SOX5: variants seen among roughly 807,000 people sequenced by gnomAD.
SOX5 encodes transcription factor SOX-5.
In SOX5, 9 loss-of-function variants were observed where a neutral mutation model predicts 92.0. The observed-to-expected ratio is 0.10, with a 90% CI of 0.06 to 0.17. The LOEUF is 0.17. Ranked by LOEUF, SOX5 falls within the 10% of genes least tolerant of loss-of-function variation. The pLI is 1.00. For missense variants in SOX5, 642 were observed against 944.5 expected (o/e 0.68, Z 4.20); for synonymous variants, 344 against 336.3 (o/e 1.02, Z -0.25).
intron 4 of SOX5, among the ~76,000 whole-genome samples, chr12:23,984,390 G>A (rs1338106460): frequency 2.0e-5 from 3 of 152,168 alleles, no homozygotes; most frequent in Non-Finnish European, 4.4e-5. Context: ...TTCTAAAGCA[G>A]GAACTTCTAA....
At chr12:23,637,743 C>T (rs1353522903) in intron 8 of SOX5, among the ~76,000 whole-genome samples, 1 of 152,204 alleles carries the variant, frequency 6.6e-6, no homozygotes, top group Non-Finnish European at 1.5e-5. Context: ...AACCGAAAGA[C>T]TCCTCCATCC....
intron 4 of SOX5, among the ~76,000 whole-genome samples, chr12:23,973,484 C>T (rs1268076720): frequency 2.0e-5 from 3 of 152,000 alleles, no homozygotes; most frequent in African/African-American, 4.8e-5. Context: ...TTAAAGGCTG[C>T]GGTTAGGGGG....
intron 4 of SOX5, among the ~76,000 whole-genome samples, chr12:24,210,151 C>G (rs1958450527): frequency 6.6e-6 from 1 of 151,386 alleles, no homozygotes; most frequent in African/African-American, 2.4e-5. Context: ...AAACCATATC[C>G]CTTATTTTCT....
At chr12:24,401,708 T>TAAAAAAAAAAAAAAAAAAA (rs71063321) in intron 1 of SOX5, among the ~76,000 whole-genome samples, 3 of 99,462 alleles carry the variant, frequency 3.0e-5, no homozygotes, top group African/African-American at 1.2e-4. Context: ...ACCCTATCTT[T>TAAAAAAAAAAAAAAAAAAA]AAAAAAAAAA....
chr12:24,090,554 G>A (rs377613916), intron 4 of SOX5, among the ~76,000 whole-genome samples: 3 of 152,208 alleles, frequency 2.0e-5, no homozygotes, highest in African/African-American at 7.2e-5. Context: ...AGTCAAAGGA[G>A]CCTTCTCAAC....
chr12:24,311,992 G>A (rs568764094), intron 2 of SOX5, among the ~76,000 whole-genome samples: 1 of 152,244 alleles, frequency 6.6e-6, no homozygotes, highest in Admixed American at 6.5e-5. Flanking sequence ...TTTAAAAGAA[G>A]TGATTTTAAA....
chr12:24,195,504 T>C (rs765366746), intron 4 of SOX5, among the ~76,000 whole-genome samples: 1 of 152,230 alleles, frequency 6.6e-6, no homozygotes, highest in Non-Finnish European at 1.5e-5. Context: ...TTATCATACA[T>C]ATTTCCGTTG....
rs1415740923 is a variant in SOX5 at position 24,537,986 on chromosome 12, G to A, written c.-251+24343C>T. On this transcript the variant is annotated intron_variant, in intron 1 of 4. Coordinates refer to the SOX5 transcript ENST00000446891. ...TCCTTTTATTTATTCTGAAGTTTTC[G>A]ATGTAAGACAAACAGGAATACCACC... 3.3e-5 allele frequency among the ~76,000 whole-genome samples: 5 copies of A among 152,040 alleles called. No homozygotes were observed. The East Asian group carries it at 5.8e-4, about 18-fold the overall frequency.
chr12:24,238,012 G>C (rs1244491092), intron 3 of SOX5: 1 of 152,180 alleles, frequency 6.6e-6, no homozygotes, highest in Non-Finnish European at 1.5e-5. Context: ...GGCAACCTCA[G>C]CTGAAGAGGA....
chr12:24,072,355 T>C (rs902475331), intron 4 of SOX5, among the ~76,000 whole-genome samples: 5 of 152,206 alleles, frequency 3.3e-5, no homozygotes, highest in African/African-American at 4.8e-5. Context: ...ATATAAAAGA[T>C]TGTATGATAA....
intron 4 of SOX5, among the ~76,000 whole-genome samples, chr12:24,060,656 A>G (rs1009022439): frequency 2.6e-5 from 4 of 152,228 alleles, no homozygotes; most frequent in Non-Finnish European, 5.9e-5. Context: ...CTAGCCAAAG[A>G]GCACGTCATC....
intron 11 of SOX5, among the ~76,000 whole-genome samples, chr12:23,560,139 G>C (rs1382040784): frequency 6.6e-6 from 1 of 152,108 alleles, no homozygotes; most frequent in East Asian, 1.9e-4. Flanking sequence ...TCGAGCTCCT[G>C]ACCTCGTGAT....
intron 3 of SOX5, among the ~76,000 whole-genome samples, chr12:23,805,706 A>T (rs1003892237): frequency 5.3e-5 from 8 of 152,200 alleles, no homozygotes; most frequent in African/African-American, 1.9e-4. Context: ...AGGAATCAGG[A>T]TGATCTATAC....
At chr12:23,788,270 A>G (rs1468119487) in intron 3 of SOX5, among the ~76,000 whole-genome samples, 1 of 152,012 alleles carries the variant, frequency 6.6e-6, no homozygotes, top group Non-Finnish European at 1.5e-5. Context: ...AAGGTTTAGT[A>G]CAATTGCTAG....
intron 1 of SOX5, among the ~76,000 whole-genome samples, chr12:24,560,664 A>T (rs913217916): frequency 6.6e-6 from 1 of 152,224 alleles, no homozygotes; most frequent in Non-Finnish European, 1.5e-5. Flanking sequence ...AATTAGACAG[A>T]TCAAAATTTA....
chr12:23,688,626 T>C (rs1464282825), intron 6 of SOX5, among the ~76,000 whole-genome samples: 1 of 152,092 alleles, frequency 6.6e-6, no homozygotes, highest in African/African-American at 2.4e-5. Context: ...TCCAATAGTT[T>C]AGCAAATTAT....
At chr12:24,364,558 GT>G (rs1955974139) in intron 2 of SOX5, among the ~76,000 whole-genome samples, 1 of 106,532 alleles carries the variant, frequency 9.4e-6, no homozygotes, top group Non-Finnish European at 1.9e-5. Context: ...GAATAAATTT[GT>G]TCTTTATTCT....
intron 1 of SOX5, among the ~76,000 whole-genome samples, chr12:24,379,832 T>TAAA (rs35373420): frequency 7.1e-6 from 1 of 140,698 alleles, no homozygotes. Flanking sequence ...TTTACCACTT[T>TAAA]AAAAAAAAAA....
chr12:24,047,994 T>C (rs1957214063), intron 4 of SOX5, among the ~76,000 whole-genome samples: 1 of 152,186 alleles, frequency 6.6e-6, no homozygotes, highest in African/African-American at 2.4e-5. Flanking sequence ...AAGAAGGTTC[T>C]CAGGTGAATA....
Sources: allele counts gnomAD v4.1 joint callset (sites outside exome capture counted in the v4.1 genomes callset), GRCh38; gene constraint gnomAD v4.1.1; transcripts MANE v1.5; gene names NCBI Gene and HGNC (gene_info 2026-07-23, HGNC 2026-07-21).